The following PPP3CA variants were observed in gnomAD, a reference collection of about 807,000 sequenced individuals.
The protein encoded by PPP3CA is protein phosphatase 3 catalytic subunit alpha, also known as CAM-PRP catalytic subunit.
PPP3CA carries 14 observed loss-of-function variants against 66.5 expected under a neutral mutation model. The observed-to-expected ratio is 0.21, with a 90% CI of 0.14 to 0.33. The LOEUF (loss-of-function observed/expected upper bound fraction) is 0.33, where lower values mean the gene tolerates loss of function less well. Among genes scored for constraint, PPP3CA ranks in the 10% least tolerant of loss-of-function variants. The pLI is 1.00. For synonymous variants in PPP3CA, 232 were observed against 226.2 expected, an observed-to-expected ratio of 1.03 and a Z score of -0.23; for missense variants, 317 against 639.5, an observed-to-expected ratio of 0.50 and a Z score of 5.44.
intron 5 of PPP3CA, among the ~76,000 whole-genome samples, chr4:101,097,252 AATTT>A (rs1424420821): frequency 1.3e-5 from 2 of 152,110 alleles, no homozygotes; most frequent in East Asian, 3.8e-4. Flanking sequence ...CAATGTGACC[AATTT>A]ATTCTTGCTA....
intron 1 of PPP3CA, among the ~76,000 whole-genome samples, chr4:101,298,695 T>C (rs1016319285): frequency 2.0e-5 from 3 of 152,184 alleles, no homozygotes; most frequent in Non-Finnish European, 4.4e-5. Context: ...ACACAGTATA[T>C]GTTAATTAAC....
At chr4:101,154,138 C>A (rs1560629970) in intron 2 of PPP3CA, among the ~76,000 whole-genome samples, 1 of 152,130 alleles carries the variant, frequency 6.6e-6, no homozygotes, top group Non-Finnish European at 1.5e-5. Flanking sequence ...TGCCTGCCTT[C>A]TTGTTTTCAA....
chr4:101,051,043 C>G (rs1727986094), intron 10 of PPP3CA, among the ~76,000 whole-genome samples: 6 of 152,050 alleles, frequency 3.9e-5, no homozygotes, highest in Admixed American at 1.3e-4. Context: ...ATGAGAGCAG[C>G]CAGGATGCTG....
At chr4:101,029,347 T>TAAAAAAAAAAAAAAAAAAAAAAAAAAAAA (rs34620032) in intron 12 of PPP3CA, 152 bp from the exon 13 acceptor site, 4 of 78,836 alleles carry the variant, frequency 5.1e-5, no homozygotes, top group East Asian at 1.8e-3. Context: ...ACAGAAATGC[T>TAAAAAAAAAAAAAAAAAAAAAAAAAAAAA]AAAAAAAAAA....
At chr4:101,218,383 C>T (rs979344452) in intron 1 of PPP3CA, among the ~76,000 whole-genome samples, 4 of 151,974 alleles carry the variant, frequency 2.6e-5, no homozygotes, top group African/African-American at 4.8e-5. Context: ...ATTAAAAACC[C>T]GTTAAAAACT....
chr4:101,176,523 C>T (rs891117397), intron 2 of PPP3CA, among the ~76,000 whole-genome samples: 1 of 152,120 alleles, frequency 6.6e-6, no homozygotes, highest in Non-Finnish European at 1.5e-5. Flanking sequence ...TCCAAGCCTC[C>T]TAATCTGTAA....
chr4:101,221,742 T>TAA (rs1264707617), intron 1 of PPP3CA, among the ~76,000 whole-genome samples: 4 of 151,576 alleles, frequency 2.6e-5, no homozygotes, highest in Admixed American at 6.6e-5. Flanking sequence ...TGCATATATA[T>TAA]AATCATATTT....
At chr4:101,278,356 CT>C (rs1727577451) in intron 1 of PPP3CA, among the ~76,000 whole-genome samples, 1 of 151,992 alleles carries the variant, frequency 6.6e-6, no homozygotes, top group African/African-American at 2.4e-5. Context: ...CAAATTTTGC[CT>C]CTCACTAACC....
intron 1 of PPP3CA, among the ~76,000 whole-genome samples, chr4:101,336,004 A>G (rs1247644104): frequency 6.6e-6 from 1 of 151,976 alleles, no homozygotes; most frequent in Non-Finnish European, 1.5e-5. Context: ...CAGGAGTTCA[A>G]GACCAGCCTG....
chr4:101,277,528 T>G (rs1308550221), intron 1 of PPP3CA, among the ~76,000 whole-genome samples: 1 of 152,220 alleles, frequency 6.6e-6, no homozygotes. Flanking sequence ...GATAATATAG[T>G]ATGCAAAAGT....
At chr4:101,279,057 C>T (rs1727600782) in intron 1 of PPP3CA, among the ~76,000 whole-genome samples, 1 of 152,006 alleles carries the variant, frequency 6.6e-6, no homozygotes, top group African/African-American at 2.4e-5. Flanking sequence ...CATAAAATTA[C>T]CAGAAATAAA....
chr4:101,063,193 A>T, intron 9 of PPP3CA, 39 bp downstream of exon 9: 1 of 1,597,962 alleles, frequency 6.3e-7, no homozygotes, highest in South Asian at 1.1e-5. Context: ...TCCTTCCTAA[A>T]CTATTTTAAG....
At position 101,113,370 on chromosome 4, in the gene PPP3CA, C is replaced by T. The variant is rs139567858; in HGVS notation, c.260-4292G>A. Among the ~76,000 whole-genome samples, 282 of 152,272 alleles carry T rather than the reference C, an allele frequency of 1.9e-3. 7 individuals are homozygous for T. Among genetic ancestry groups the T allele is most frequent in the Admixed American group, 0.016 (242 of 15,272 alleles). On this transcript the variant is annotated intron_variant, in intron 2 of 13. Transcript: ENST00000394854. ...TCTCATAGCACACACAGCCTTCATT[C>T]TGTGTACTAGTATGGTCCCCCTCAC... is the stretch of plus-strand genomic sequence containing the variant.
chr4:101,067,309 G>A (rs1728721542), intron 8 of PPP3CA, among the ~76,000 whole-genome samples: 1 of 152,114 alleles, frequency 6.6e-6, no homozygotes, highest in South Asian at 2.1e-4. Flanking sequence ...TGTAAAAGAT[G>A]TAAAATTAGT....
chr4:101,139,494 C>T (rs1291609565), intron 2 of PPP3CA, among the ~76,000 whole-genome samples: 1 of 152,088 alleles, frequency 6.6e-6, no homozygotes, highest in Non-Finnish European at 1.5e-5. Context: ...TTTCTGTGTC[C>T]TCTAAGTACC....
chr4:101,277,288 A>G (rs1306696620), intron 1 of PPP3CA, among the ~76,000 whole-genome samples: 1 of 152,170 alleles, frequency 6.6e-6, no homozygotes, highest in Non-Finnish European at 1.5e-5. Flanking sequence ...ACCACAGTTT[A>G]TCTATCCATT....
chr4:101,195,654 T>C (rs1291585479), intron 2 of PPP3CA, among the ~76,000 whole-genome samples: 1 of 152,178 alleles, frequency 6.6e-6, no homozygotes. Context: ...CAATATCACT[T>C]CTTAAAGTAT....
At chr4:101,268,302 G>A (rs1727230705) in intron 1 of PPP3CA, among the ~76,000 whole-genome samples, 1 of 152,076 alleles carries the variant, frequency 6.6e-6, no homozygotes, top group Admixed American at 6.6e-5. Context: ...AAAAATACCT[G>A]CACCTAATCA....
rs188890543 is a variant in PPP3CA at position 101,057,873 on chromosome 4, C to T, written c.1156+3214G>A. ...GCTCATGGAACCAAGGCCTGCACTG[C>T]TATCATATGCTGGCAAAGCCCAATC... On this transcript the variant is annotated intron_variant, in intron 10 of 13. Transcript: ENST00000394854. Among the ~76,000 whole-genome samples the T allele has an allele frequency of 7.1e-3, 1,074 of 152,222 alleles. 3 individuals are homozygous for T. The highest frequency in any genetic ancestry group is 0.027 in the Middle Eastern group (8 of 294).
Sources: allele counts gnomAD v4.1 joint callset (sites outside exome capture counted in the v4.1 genomes callset), GRCh38; gene constraint gnomAD v4.1.1; transcripts MANE v1.5; gene names NCBI Gene and HGNC (gene_info 2026-07-23, HGNC 2026-07-21).